Variants in SPMAP2 observed in about 807,000 individuals in gnomAD.
SPMAP2 encodes the protein Theg homolog.
chr19:369,964 G>A, the SPMAP2 span, among the ~76,000 whole-genome samples: 7 of 152,286 alleles, frequency 4.6e-5, no homozygotes, highest in South Asian at 2.1e-4. Flanking sequence ...CAGGGGATGC[G>A]ACGGCTTGGC....
the SPMAP2 span, chr19:366,963 T>C: frequency 1.5e-5 from 19 of 1,289,384 alleles, no homozygotes; most frequent in African/African-American, 2.6e-4. Context: ...TTCTCTTTCA[T>C]GGGGGAGAGC....
chr19:362,119 C>T, the SPMAP2 span: 2 of 1,132,976 alleles, frequency 1.8e-6, no homozygotes, highest in Non-Finnish European at 2.4e-6. Context: ...AGCCCGCCCT[C>T]CCTTCTCCAG....
chr19:371,778 CG>C, the SPMAP2 span, among the ~76,000 whole-genome samples: 1 of 152,298 alleles, frequency 6.6e-6, no homozygotes, highest in Non-Finnish European at 1.5e-5. Context: ...GCTGAGCTCC[CG>C]GGGCTGTGCC....
chr19:373,483 G>A, the SPMAP2 span: 1 of 1,613,384 alleles, frequency 6.2e-7, no homozygotes, highest in Non-Finnish European at 8.5e-7. Flanking sequence ...GCACTGTGAT[G>A]GTGAGGGTGG....
the SPMAP2 span, among the ~76,000 whole-genome samples, chr19:363,314 T>A: frequency 6.6e-6 from 1 of 151,802 alleles, no homozygotes; most frequent in East Asian, 1.9e-4. Flanking sequence ...TGCCTCAGCC[T>A]CCTGAGTAGC....
the SPMAP2 span, among the ~76,000 whole-genome samples, chr19:363,868 G>C: frequency 4.0e-5 from 6 of 151,600 alleles, no homozygotes; most frequent in Non-Finnish European, 8.8e-5. Context: ...GGGTCTTGCT[G>C]TGTCTCCCAG....
the SPMAP2 span, chr19:374,252 A>G: frequency 6.2e-7 from 1 of 1,605,166 alleles, no homozygotes; most frequent in Non-Finnish European, 8.5e-7. Flanking sequence ...GTGCAGAGAA[A>G]GCCGCCCACG....
chr19:362,241 C>A, the SPMAP2 span: 1 of 1,572,526 alleles, frequency 6.4e-7, no homozygotes, highest in Non-Finnish European at 8.7e-7. Context: ...TCTGGTGATG[C>A]TTTTGGGGGT....
chr19:370,168 C>T, the SPMAP2 span, among the ~76,000 whole-genome samples: 1 of 152,300 alleles, frequency 6.6e-6, no homozygotes, highest in African/African-American at 2.4e-5. Context: ...ATGGGGAGAG[C>T]CTGAGCTCAA....
chr19:362,283 C>G, the SPMAP2 span: 2 of 1,602,620 alleles, frequency 1.2e-6, no homozygotes, highest in African/African-American at 1.3e-5. Flanking sequence ...GGACGCCTGT[C>G]GTATCCCTCG....
chr19:366,426 C>T, the SPMAP2 span, among the ~76,000 whole-genome samples: 12 of 152,150 alleles, frequency 7.9e-5, no homozygotes, highest in Admixed American at 3.9e-4. Flanking sequence ...GTGTGCAGGA[C>T]GGTGTAAGGC....
At chr19:374,587 G>A in the SPMAP2 span, 44 of 942,752 alleles carry the variant, frequency 4.7e-5, no homozygotes, top group Middle Eastern at 3.4e-4. Context: ...TTGGCACCAC[G>A]AAGGCCTGGA....
At chr19:364,665 G>A in the SPMAP2 span, among the ~76,000 whole-genome samples, 1 of 152,240 alleles carries the variant, frequency 6.6e-6, no homozygotes, top group Admixed American at 6.5e-5. Flanking sequence ...AAGTGGGTCG[G>A]GGCAGGAGGC....
At chr19:375,054 G>C in the SPMAP2 span, among the ~76,000 whole-genome samples, 1 of 152,172 alleles carries the variant, frequency 6.6e-6, no homozygotes, top group Non-Finnish European at 1.5e-5. Context: ...CGGAAACCAC[G>C]GTGAGAAGGG....
the SPMAP2 span, chr19:367,251 T>G: frequency 0.025 from 39,477 of 1,567,432 alleles, 590 homozygotes; most frequent in Non-Finnish European, 0.028. Context: ...AGAGAAGGGT[T>G]ACGTGAAACA....
the SPMAP2 span, chr19:362,083 C>T: frequency 1.6e-6 from 1 of 643,250 alleles, no homozygotes; most frequent in African/African-American, 1.9e-5. Context: ...ATATTATTGT[C>T]CTCCTCATCC....
the SPMAP2 span, among the ~76,000 whole-genome samples, chr19:373,115 C>G: frequency 1.3e-5 from 2 of 152,288 alleles, no homozygotes; most frequent in Admixed American, 6.5e-5. Context: ...GAGAACTGGA[C>G]TGTTATTCTC....
chr19:373,453 G>A, the SPMAP2 span: 12 of 1,612,708 alleles, frequency 7.4e-6, no homozygotes, highest in South Asian at 9.9e-5. Flanking sequence ...GTCTCAGCAG[G>A]CACGGGCTCC....
chr19:372,377 C>A, the SPMAP2 span, among the ~76,000 whole-genome samples: 1 of 152,266 alleles, frequency 6.6e-6, no homozygotes, highest in Non-Finnish European at 1.5e-5. Flanking sequence ...TGCAAATCCC[C>A]GTTCACGGGT....
Sources: gnomAD v4.1 joint callset for allele counts (sites outside exome capture counted in the v4.1 genomes callset) on GRCh38, gnomAD v4.1.1 for gene constraint, MANE v1.5 for transcripts, NCBI Gene and HGNC (gene_info 2026-07-23, HGNC 2026-07-21) for gene names.